HEATR5B: variants seen among roughly 807,000 people sequenced by gnomAD.
HEATR5B encodes the protein HEAT repeat-containing protein 5B.
Under a neutral mutation model 224.1 loss-of-function variants are expected in HEATR5B, and 156 were observed. The ratio of observed to expected loss-of-function variants is 0.70; its 90% confidence interval spans 0.61 to 0.80. HEATR5B has a LOEUF of 0.80. HEATR5B is among the 30% of genes least tolerant of loss of function. The pLI is 0.00. For missense variants in HEATR5B, 2,323 were observed against 2,535.5 expected (o/e 0.92, Z 1.80); for synonymous variants, 1,027 against 893.0 (o/e 1.15, Z -2.68).
At chr2:37,008,557 G>T in intron 28 of HEATR5B, 54 bp downstream of exon 28, 1 of 1,215,560 alleles carries the variant, frequency 8.2e-7, no homozygotes, top group Non-Finnish European at 1.2e-6. Context: ...TCTCTATTTT[G>T]TTTAACTACT....
In HEATR5B at chr2:37,057,307, T is replaced by A; in HGVS notation, c.2223+10A>T. 2 of 1,583,492 alleles carry A rather than the reference T, an allele frequency of 1.3e-6. No individual in the cohort carries two copies. Among genetic ancestry groups the A allele is most frequent in the Non-Finnish European group, 1.7e-6 (2 of 1,166,626 alleles). On this transcript the variant is annotated intron_variant, in intron 15 of 35. Coordinates refer to ENST00000233099, the MANE Select transcript of HEATR5B (RefSeq NM_019024.3). Reference sequence around the variant, plus strand: ...TAAGTTAGTATTTCATTTTCCTCTATGTTTATTACCTGGTCTTCAATTGAT... The same window carrying A: ...TAAGTTAGTATTTCATTTTCCTCTAAGTTTATTACCTGGTCTTCAATTGAT...
At position 37,003,614 on chromosome 2, in the gene HEATR5B, A is replaced by G; in HGVS notation, c.4978T>C (p.Leu1660=). Residue 1660 remains leucine (L), a synonymous_variant, in exon 31 of 36, where the codon TTG becomes CTG. Transcript: ENST00000233099. ...LTWNPSSVQL[L]VTGVVQQIVR... ...ATCTGTTGTACAACTCCAGTAACCA[A>G]CAGCTGGACAGATGATGGATTCCAG... 6.2e-7 allele frequency: 1 copy of G among 1,611,170 alleles called. No homozygotes were observed. The highest frequency in any genetic ancestry group is 8.5e-7 in the Non-Finnish European group (1 of 1,177,408).
rs1672833686 is a variant in HEATR5B, at chr2:37,084,264, C to T, written c.-23+5G>A. On this transcript the variant is annotated splice_donor_5th_base_variant and intron_variant, in intron 1 of 35. Transcript: ENST00000233099. ...GTGTCAACATGCATGCTTCGGCGAC[C>T]TCACCTCGTAGTCTGGAAGGGAAGA... The T allele has an allele frequency of 2.6e-6, 1 of 390,642 alleles. No individual in the cohort carries two copies. Among genetic ancestry groups the T allele is most frequent in the Admixed American group, 4.4e-5 (1 of 22,502 alleles). 24.2% of individuals were successfully genotyped at this position (390,642 alleles called of 1,614,324 possible).
At chr2:37,075,057 C>A (rs552473121) in intron 5 of HEATR5B, among the ~76,000 whole-genome samples, 1 of 152,174 alleles carries the variant, frequency 6.6e-6, no homozygotes, top group Admixed American at 6.5e-5. Context: ...CTATTCCATC[C>A]CTAGGTTATT....
chr2:37,058,651 T>C (rs916032988), intron 13 of HEATR5B, 91 bp from the exon 14 acceptor site: 7 of 847,866 alleles, frequency 8.3e-6, no homozygotes, highest in Non-Finnish European at 1.4e-5. Flanking sequence ...ACTGCCAAAC[T>C]ACACTGATAA....
intron 22 of HEATR5B, 34 bp from the exon 23 acceptor site, chr2:37,028,954 G>C: frequency 6.2e-7 from 1 of 1,606,068 alleles, no homozygotes; most frequent in South Asian, 1.1e-5. Context: ...AATTTGTATG[G>C]TATTTTGGTG....
At chr2:37,055,729 G>T (rs1338616039) in intron 16 of HEATR5B, among the ~76,000 whole-genome samples, 2 of 152,110 alleles carry the variant, frequency 1.3e-5, no homozygotes, top group African/African-American at 2.4e-5. Context: ...CTCCCAAAGC[G>T]CTGGGATTGC....
chr2:37,058,337 T>C, intron 14 of HEATR5B, 114 bp downstream of exon 14: 1 of 634,774 alleles, frequency 1.6e-6, no homozygotes, highest in South Asian at 2.0e-5. Flanking sequence ...AAAAATAAAA[T>C]GGTGGCCTTC....
chr2:37,005,356 G>T (rs1432452773), intron 30 of HEATR5B, among the ~76,000 whole-genome samples: 1 of 151,988 alleles, frequency 6.6e-6, no homozygotes, highest in East Asian at 1.9e-4. Context: ...TATTCTAATT[G>T]CAGCTTTACA....
intron 20 of HEATR5B, 147 bp downstream of exon 20, chr2:37,040,182 G>A (rs1237806078): frequency 1.6e-6 from 1 of 623,310 alleles, no homozygotes; most frequent in Non-Finnish European, 2.7e-6. Context: ...GTAAAAAGCT[G>A]AGTGCCAGGC....
At chr2:37,032,832 T>G in intron 21 of HEATR5B, 59 bp from the exon 22 acceptor site, 2 of 1,450,724 alleles carry the variant, frequency 1.4e-6, no homozygotes, top group Non-Finnish European at 1.9e-6. Flanking sequence ...TCTTTAATCT[T>G]ATTTGCCCAA....
At chr2:37,069,905 T>G (rs1174227941) in intron 7 of HEATR5B, among the ~76,000 whole-genome samples, 1 of 150,936 alleles carries the variant, frequency 6.6e-6, no homozygotes, top group East Asian at 1.9e-4. Flanking sequence ...AAAATCTTTT[T>G]TTTTTTTTTT....
intron 2 of HEATR5B, among the ~76,000 whole-genome samples, chr2:37,080,928 C>T (rs1358458301): frequency 6.6e-6 from 1 of 152,148 alleles, no homozygotes; most frequent in Admixed American, 6.5e-5. Context: ...GCAATGATAA[C>T]AATCTTATTG....
chr2:37,062,496 G>T (rs1353086777), intron 10 of HEATR5B, among the ~76,000 whole-genome samples: 2 of 152,128 alleles, frequency 1.3e-5, no homozygotes, highest in Non-Finnish European at 2.9e-5. Flanking sequence ...ATCAAGACCT[G>T]GTTAGTCTTG....
intron 28 of HEATR5B, among the ~76,000 whole-genome samples, chr2:37,007,934 T>TATCACAACCAGGGAACTC: frequency 6.6e-6 from 1 of 152,352 alleles, no homozygotes; most frequent in South Asian, 2.1e-4. Flanking sequence ...CTTCTCTTTC[T>TATCACAACCAGGGAACTC]ATCACAACCA....
At chr2:36,987,827 G>C (rs1056158951) in intron 35 of HEATR5B, among the ~76,000 whole-genome samples, 3 of 152,078 alleles carry the variant, frequency 2.0e-5, no homozygotes, top group African/African-American at 7.2e-5. Flanking sequence ...CTAGCACTTT[G>C]AAAGGCCAAG....
rs1558343969 is a variant in HEATR5B, at chr2:37,049,858, A to G, written c.2506-15T>C. The stretch of plus-strand genomic sequence containing the variant: ...TCAGCTAAGCCCTACATTAAAAAAA[A>G]AAAAAAAAAAAAGACAGCAATTCAT... On this transcript the variant is annotated splice_polypyrimidine_tract_variant and intron_variant, in intron 17 of 35. Coordinates refer to ENST00000233099, the MANE Select transcript of HEATR5B (RefSeq NM_019024.3). The G allele has an allele frequency of 6.8e-7, 1 of 1,481,298 alleles. No homozygotes were observed. Among genetic ancestry groups the G allele is most frequent in the Non-Finnish European group, 9.0e-7 (1 of 1,115,002 alleles). The allele number at this position is 1,481,298 out of a possible 1,614,324, so 91.8% of individuals were successfully genotyped here.
intron 22 of HEATR5B, among the ~76,000 whole-genome samples, chr2:37,029,556 C>A (rs1668989286): frequency 6.6e-6 from 1 of 152,070 alleles, no homozygotes; most frequent in Non-Finnish European, 1.5e-5. Flanking sequence ...CCCAGCTACT[C>A]AGAAGGCTGA....
chr2:37,010,551 T>C (rs1195693379), intron 27 of HEATR5B, among the ~76,000 whole-genome samples: 1 of 151,496 alleles, frequency 6.6e-6, no homozygotes, highest in African/African-American at 2.4e-5. Flanking sequence ...TCTCGATCTG[T>C]AACCCAGGCT....
Sources: allele counts gnomAD v4.1 joint callset (sites outside exome capture counted in the v4.1 genomes callset), GRCh38; gene constraint gnomAD v4.1.1; transcripts MANE v1.5; gene names NCBI Gene and HGNC (gene_info 2026-07-23, HGNC 2026-07-21).